The following ELF2 variants were observed in gnomAD, a reference collection of about 807,000 sequenced individuals.
ELF2 encodes the protein ETS-related transcription factor Elf-2.
A neutral mutation model predicts 54.8 loss-of-function variants in ELF2; 11 were observed. That is an observed-to-expected ratio of 0.20 (90% CI 0.13 to 0.33). The LOEUF (loss-of-function observed/expected upper bound fraction) is 0.33, where lower values mean the gene tolerates loss of function less well. Ranked by LOEUF, ELF2 falls within the 10% of genes least tolerant of loss-of-function variation. The pLI, the probability that ELF2 is intolerant of heterozygous loss-of-function variation, is 1.00. For missense variants in ELF2, 513 were observed against 703.0 expected (o/e 0.73, Z 3.06); for synonymous variants, 203 against 245.1 (o/e 0.83, Z 1.61).
chr4:139,175,956 A>G (rs190943991), intron 1 of ELF2, among the ~76,000 whole-genome samples: 1 of 152,260 alleles, frequency 6.6e-6, no homozygotes, highest in East Asian at 1.9e-4. Context: ...TCTTGGTGTC[A>G]CGGAATATTT....
At chr4:139,072,971 TAA>T (rs1729735798) in intron 5 of ELF2, among the ~76,000 whole-genome samples, 1 of 152,178 alleles carries the variant, frequency 6.6e-6, no homozygotes, top group African/African-American at 2.4e-5. Flanking sequence ...AAGTTTTTCT[TAA>T]AGACTAAGAG....
At chr4:139,170,130 A>C (rs559683538) in intron 1 of ELF2, among the ~76,000 whole-genome samples, 19 of 152,160 alleles carry the variant, frequency 1.2e-4, no homozygotes, top group Non-Finnish European at 2.4e-4. Flanking sequence ...AAAGCAGAAA[A>C]ATCTCAAGAT....
At chr4:139,093,617 A>G (rs1026350243) in intron 4 of ELF2, among the ~76,000 whole-genome samples, 1 of 152,222 alleles carries the variant, frequency 6.6e-6, no homozygotes, top group Non-Finnish European at 1.5e-5. Context: ...AGACTTCAAC[A>G]TCTGAAAATC....
At chr4:139,124,305 G>A (rs1220605786) in intron 4 of ELF2, among the ~76,000 whole-genome samples, 2 of 152,182 alleles carry the variant, frequency 1.3e-5, no homozygotes, top group African/African-American at 4.8e-5. Context: ...ATTAGAGGAA[G>A]AACAGTTTTA....
intron 7 of ELF2, chr4:139,066,095 CTT>C (rs1195416800): frequency 7.3e-6 from 1 of 136,672 alleles, no homozygotes; most frequent in Non-Finnish European, 1.5e-5. Flanking sequence ...TTAAACTAGA[CTT>C]AATTTCTGTT....
intron 4 of ELF2, among the ~76,000 whole-genome samples, chr4:139,085,697 A>T (rs191250391): frequency 6.6e-6 from 1 of 152,330 alleles, no homozygotes; most frequent in Non-Finnish European, 1.5e-5. Context: ...TTAAATAAGG[A>T]TCTCTTTCTT....
Position 139,137,704 on chromosome 4 carries a change from T to A in ELF2, c.-3A>T. 6.2e-7 allele frequency: 1 copy of A among 1,613,948 alleles called. No homozygotes were observed. The highest frequency in any genetic ancestry group is 2.2e-5 in the East Asian group (1 of 44,850). ...CTGTCAACCACTGCTGATGTCATTG[T>A]TATTCCCTGAGGAAGCTTCAAACGC... On this transcript the variant is annotated 5_prime_UTR_variant, in exon 3 of 10. Coordinates refer to ENST00000686138, the MANE Select transcript of ELF2 (RefSeq NM_001331036.3).
chr4:139,127,782 C>T (rs1737071254), intron 3 of ELF2, among the ~76,000 whole-genome samples: 1 of 151,856 alleles, frequency 6.6e-6, no homozygotes, highest in Non-Finnish European at 1.5e-5. Context: ...CTGGCCAATA[C>T]AGTAAAACCC....
intron 3 of ELF2, among the ~76,000 whole-genome samples, chr4:139,136,455 C>G (rs994084435): frequency 2.0e-5 from 3 of 151,818 alleles, no homozygotes; most frequent in Non-Finnish European, 2.9e-5. Context: ...AACGCACAGA[C>G]TGATGTCCTA....
chr4:139,107,778 T>C (rs1734562545), intron 4 of ELF2, among the ~76,000 whole-genome samples: 1 of 152,194 alleles, frequency 6.6e-6, no homozygotes, highest in South Asian at 2.1e-4. Flanking sequence ...ATGATACACA[T>C]ACCAAATATA....
chr4:139,094,543 T>C (rs1733037407), intron 4 of ELF2, among the ~76,000 whole-genome samples: 1 of 152,110 alleles, frequency 6.6e-6, no homozygotes, highest in Non-Finnish European at 1.5e-5. Context: ...ATAAGATATA[T>C]ACAAAGCAAC....
intron 3 of ELF2, among the ~76,000 whole-genome samples, chr4:139,128,863 T>C (rs541337871): frequency 1.3e-5 from 2 of 152,214 alleles, no homozygotes; most frequent in African/African-American, 4.8e-5. Flanking sequence ...CAGTTTTCAA[T>C]CTCTACTGCC....
intron 4 of ELF2, among the ~76,000 whole-genome samples, chr4:139,121,612 C>A (rs2148829161): frequency 6.6e-6 from 1 of 152,210 alleles, no homozygotes; most frequent in South Asian, 2.1e-4. Flanking sequence ...CCCTCATTCA[C>A]CATACCAGTC....
At chr4:139,143,185 A>ACC (rs1238922530) in intron 1 of ELF2, among the ~76,000 whole-genome samples, 1 of 152,086 alleles carries the variant, frequency 6.6e-6, no homozygotes, top group Non-Finnish European at 1.5e-5. Flanking sequence ...ATCAGCTACC[A>ACC]CCCATCCCCC....
At position 139,137,612 on chromosome 4, in the gene ELF2, A is replaced by G. The variant is rs1041409126; in HGVS notation, c.72+18T>C. The G allele has an allele frequency of 6.2e-6, 10 of 1,609,164 alleles. No individual in the cohort carries two copies. In the African/African-American group the frequency reaches 1.3e-4, roughly 21 times the overall value. ...TTTCTATGAAGAAAATAGAAATGTA[A>G]TTCATTGAATGCCTAACCTCTTGAT... On this transcript the variant is annotated intron_variant, in intron 3 of 9. Coordinates refer to ENST00000686138, the MANE Select transcript of ELF2 (RefSeq NM_001331036.3).
chr4:139,172,842 G>A (rs1742444492), intron 1 of ELF2, among the ~76,000 whole-genome samples: 1 of 124,932 alleles, frequency 8.0e-6, no homozygotes, highest in South Asian at 2.8e-4. Flanking sequence ...GAGATTTCAG[G>A]CATCCACTGG....
intron 4 of ELF2, among the ~76,000 whole-genome samples, chr4:139,116,036 G>GT (rs1177177687): frequency 1.3e-5 from 2 of 152,046 alleles, no homozygotes; most frequent in African/African-American, 2.4e-5. Flanking sequence ...TACAGATGGG[G>GT]TTTTGCCAAG....
intron 3 of ELF2, among the ~76,000 whole-genome samples, chr4:139,133,611 T>C (rs1737783139): frequency 6.6e-6 from 1 of 151,952 alleles, no homozygotes; most frequent in African/African-American, 2.4e-5. Context: ...AAGTCTTTTA[T>C]ATATTTCATT....
intron 1 of ELF2, among the ~76,000 whole-genome samples, chr4:139,157,723 C>T (rs1392602088): frequency 6.6e-6 from 1 of 152,162 alleles, no homozygotes; most frequent in African/African-American, 2.4e-5. Flanking sequence ...TATTTTGATG[C>T]TTCCTTTATC....
Sources: allele counts gnomAD v4.1 joint callset (sites outside exome capture counted in the v4.1 genomes callset), GRCh38; gene constraint gnomAD v4.1.1; transcripts MANE v1.5; gene names NCBI Gene and HGNC (gene_info 2026-07-23, HGNC 2026-07-21).